HMCN2: variants seen among roughly 807,000 people sequenced by gnomAD.
The protein encoded by HMCN2 is hemicentin 2.
A neutral mutation model predicts 377.5 loss-of-function variants in HMCN2; 325 were observed. That is an observed-to-expected ratio of 0.86 (90% CI 0.79 to 0.94). The LOEUF (loss-of-function observed/expected upper bound fraction) is 0.94, where lower values mean the gene tolerates loss of function less well. HMCN2 is among the 40% of genes least tolerant of loss of function. The pLI is 0.00. For synonymous variants in HMCN2, 2,007 were observed against 2,046.8 expected (o/e 0.98, Z 0.53); for missense variants, 4,543 against 4,725.3 (o/e 0.96, Z 1.13).
chr9:130,342,062 A>AATAAATAG (rs1444050952), intron 24 of HMCN2, among the ~76,000 whole-genome samples: 1 of 151,120 alleles, frequency 6.6e-6, no homozygotes, highest in African/African-American at 2.4e-5. Context: ...TAAATAAATA[A>AATAAATAG]AAGCTTGGAA....
At chr9:130,397,865 C>T (rs929143934) in intron 74 of HMCN2, among the ~76,000 whole-genome samples, 17 of 151,882 alleles carry the variant, frequency 1.1e-4, no homozygotes, top group African/African-American at 2.2e-4. Flanking sequence ...AACAGCGATT[C>T]GATTAAGTAA....
chr9:130,364,998 G>A, intron 41 of HMCN2, 109 bp downstream of exon 41: 1 of 648,548 alleles, frequency 1.5e-6, no homozygotes, highest in Non-Finnish European at 1.9e-6. Context: ...CCCCTCAGGG[G>A]ATGGAGGACA....
Position 130,393,894 on chromosome 9 carries a change from CA to C in HMCN2, c.10388del (p.Gln3463ArgfsTer23). The C allele has an allele frequency of 7.8e-7, 1 of 1,289,596 alleles. No individual in the cohort carries two copies. The highest frequency in any genetic ancestry group is 1.2e-5 in the South Asian group (1 of 81,006). 79.9% of individuals were successfully genotyped at this position (1,289,596 alleles called of 1,614,324 possible). ...GEPLLSQSLE[Q>X]GPSLQLEAVG... The stretch of plus-strand genomic sequence containing the variant: ...ACCCTTGTTGTCCCAGAGCCTCGAG[CA>C]GGGGCCCAGCCTGCAGCTGGAGGCA... On this transcript the variant is annotated frameshift_variant, in exon 68 of 98. Coordinates refer to ENST00000683500, the MANE Select transcript of HMCN2 (RefSeq NM_001291815.2). LOFTEE classifies it high-confidence loss of function. The surrounding 1 kb of genome is among the most constrained non-coding windows in gnomAD (Gnocchi z 5.2).
intron 36 of HMCN2, among the ~76,000 whole-genome samples, 151 bp from the exon 37 acceptor site, chr9:130,359,168 A>G (rs2027064): frequency 0.91 from 138,295 of 152,070 alleles, 64,106 homozygotes; most frequent in Non-Finnish European, 0.99. Flanking sequence ...TCCAGGAGTG[A>G]GGTTGCTTAG....
At position 130,430,605 on chromosome 9, in the gene HMCN2, G is replaced by A. The variant is rs1169622757; in HGVS notation, c.14647+1G>A. 6.5e-7 allele frequency: 1 copy of A among 1,547,040 alleles called. No homozygotes were observed. Among genetic ancestry groups the A allele is most frequent in the Non-Finnish European group, 8.7e-7 (1 of 1,144,634 alleles). ...ATCAGGCAGAACGGAGTCTGCACAG[G>A]TAAGGCCAGGCCCTGACCATCCACG... is the stretch of plus-strand genomic sequence containing the variant. On this transcript the variant is annotated splice_donor_variant, in intron 95 of 97. Coordinates refer to ENST00000683500, the MANE Select transcript of HMCN2 (RefSeq NM_001291815.2). LOFTEE classifies it high-confidence loss of function.
At position 130,425,895 on chromosome 9, in the gene HMCN2, G is replaced by T. The variant is rs773378297; in HGVS notation, c.13850G>T (p.Arg4617Leu). ...TTTGATCCAGAGGCCGAGGCCCTGC[G>T]CTTCCAGCTCGCTACAGCCCTGCAG... ...SAFDPEAEAL[R>L]FQLATALQAE... The change falls in exon 90 of 98, where the codon CGC becomes CTC. Residue 4617 changes from arginine (R) to leucine (L), a missense_variant. By Grantham distance (102) the Arg-to-Leu change is moderately radical. This residue lies in a region of HMCN2 where 1,155 missense variants were observed against 1,157.7 expected (regional missense o/e 1.00). Coordinates refer to ENST00000683500, the MANE Select transcript of HMCN2 (RefSeq NM_001291815.2). The T allele has an allele frequency of 3.2e-6, 5 of 1,549,220 alleles. No homozygotes were observed. The South Asian group carries it at 6.0e-5, about 18-fold the overall frequency.
At chr9:130,402,514 G>A (rs1197915717) in intron 77 of HMCN2, among the ~76,000 whole-genome samples, 2 of 152,218 alleles carry the variant, frequency 1.3e-5, no homozygotes, top group Non-Finnish European at 2.9e-5. Flanking sequence ...AGCCTAAAGG[G>A]TCTAGAGACC....
At position 130,403,290 on chromosome 9, in the gene HMCN2, C is replaced by T; in HGVS notation, c.11975C>T (p.Thr3992Ile). 1 of 1,289,858 alleles carries T rather than the reference C, an allele frequency of 7.8e-7. No homozygotes were observed. Among genetic ancestry groups the T allele is most frequent in the Non-Finnish European group, 1.0e-6 (1 of 988,886 alleles). 79.9% of individuals were successfully genotyped at this position (1,289,858 alleles called of 1,614,324 possible). A position where few individuals can be genotyped will look rare whatever the true frequency, so the allele number is the denominator to read the frequency against. Reference protein sequence around the residue: ...PCEASGIPRPTITWQKEGLNV... With the variant: ...PCEASGIPRPIITWQKEGLNV... ...GAGGCCTCAGGCATCCCCCGGCCGACCATCACCTGGCAGAAGGAAGGGCTC... is the reference window on the plus strand; with the variant it reads ...GAGGCCTCAGGCATCCCCCGGCCGATCATCACCTGGCAGAAGGAAGGGCTC... Residue 3992 changes from threonine to isoleucine, a missense_variant, in exon 79 of 98, where the codon ACC (threonine) becomes ATC (isoleucine). Thr to Ile is a moderately conservative substitution (Grantham distance 89, BLOSUM62 -1). Around this residue, in one of 5 missense-constraint regions of HMCN2, gnomAD observed 1,073 missense variants for 1,319.5 expected, o/e 0.81. Coordinates refer to ENST00000683500, the MANE Select transcript of HMCN2 (RefSeq NM_001291815.2).
At chr9:130,328,705 G>C (rs1838273515) in intron 22 of HMCN2, among the ~76,000 whole-genome samples, 1 of 152,184 alleles carries the variant, frequency 6.6e-6, no homozygotes, top group Non-Finnish European at 1.5e-5. Context: ...ACCCGGTGCC[G>C]AACTGCCTGC....
At chr9:130,392,224 C>T (rs1301259972) in intron 66 of HMCN2, 106 bp downstream of exon 66, 6 of 783,842 alleles carry the variant, frequency 7.7e-6, no homozygotes, top group Admixed American at 6.2e-5. Flanking sequence ...GCAACACCCA[C>T]TCCCCACCCC....
rs895852488 is a variant in HMCN2, at chr9:130,394,204, G to A, written c.10502-181G>A. 6.6e-6 allele frequency among the ~76,000 whole-genome samples: 1 copy of A among 152,168 alleles called. No individual in the cohort carries two copies. Among genetic ancestry groups the A allele is most frequent in the Non-Finnish European group, 1.5e-5 (1 of 68,018 alleles). On this transcript the variant is annotated intron_variant, in intron 68 of 97. Transcript: ENST00000683500. The surrounding 1 kb of genome is among the most constrained non-coding windows in gnomAD (Gnocchi z 5.1). ...TTGCCTGCGGGGAGTGGGTGGCCGG[G>A]CTTTGATTCTCCCAGGGCTGTGCTC...
rs1470634258 is a variant in HMCN2 at position 130,366,009 on chromosome 9, C to T, written c.6625+14C>T. 1 of 985,908 alleles carries T rather than the reference C, an allele frequency of 1.0e-6. No individual in the cohort carries two copies. The highest frequency in any genetic ancestry group is 1.7e-5 in the African/African-American group (1 of 57,250). 61.1% of individuals were successfully genotyped at this position (985,908 alleles called of 1,614,324 possible). A position where few individuals can be genotyped will look rare whatever the true frequency, so the allele number is the denominator to read the frequency against. On this transcript the variant is annotated intron_variant, in intron 43 of 97. Transcript: ENST00000683500. ...GGAGGAAGGACGGTAGGATTGCTGC[C>T]CTCACCCAGCCCCACCTCATTGCCA...
At chr9:130,405,430 A>T (rs1843046363) in intron 81 of HMCN2, among the ~76,000 whole-genome samples, 1 of 152,004 alleles carries the variant, frequency 6.6e-6, no homozygotes, top group Admixed American at 6.6e-5. Flanking sequence ...TATGGGTGGG[A>T]CCCCCAACCT....
At chr9:130,349,734 G>A in intron 29 of HMCN2, 71 bp downstream of exon 29, 1 of 1,259,418 alleles carries the variant, frequency 7.9e-7, no homozygotes, top group Non-Finnish European at 1.0e-6. Context: ...TGGGGGTTGG[G>A]GAAGGTTGAA....
intron 25 of HMCN2, among the ~76,000 whole-genome samples, chr9:130,344,506 A>G (rs1801575663): frequency 7.0e-6 from 1 of 143,452 alleles, no homozygotes; most frequent in African/African-American, 2.6e-5. Context: ...TGGTGTATGT[A>G]TGTGGTGTGT....
chr9:130,353,071 C>T lies in HMCN2; in HGVS notation c.4730C>T (p.Thr1577Ile), dbSNP rs993534772. The stretch of plus-strand genomic sequence containing the variant: ...GACGGGGCCCTGCTCCCCACCAGCA[C>T]CAAGGTGGTCTACACTAGGGGCGGT... ...FKDGALLPTS[T>I]KVVYTRGGRQ... Residue 1577 changes from threonine (T) to isoleucine (I), a missense_variant, in exon 31 of 98, where the codon ACC becomes ATC. Transcript: ENST00000683500. The T allele has an allele frequency of 5.3e-5, 69 of 1,304,120 alleles. No individual in the cohort carries two copies. The highest frequency in any genetic ancestry group is 6.6e-5 in the Non-Finnish European group (65 of 988,948). The allele number at this position is 1,304,120 out of a possible 1,614,324, so 80.8% of individuals were successfully genotyped here.
rs780429645 is a variant in HMCN2, at chr9:130,396,266, C to T, written c.11151C>T (p.Leu3717=). ...PCQADGVPAP[L]VSWRKDRVPL... Reference sequence around the variant, plus strand: ...AGGCCGACGGCGTGCCCGCACCCCTCGTGAGCTGGCGGAAGGACAGGGTCC... The same window carrying T: ...AGGCCGACGGCGTGCCCGCACCCCTTGTGAGCTGGCGGAAGGACAGGGTCC... The change falls in exon 73 of 98, where the codon CTC becomes CTT. Residue 3717 remains leucine, a synonymous_variant. Transcript: ENST00000683500. The T allele has an allele frequency of 3.7e-5, 48 of 1,285,088 alleles. No individual in the cohort carries two copies. The highest frequency in any genetic ancestry group is 4.5e-5 in the Non-Finnish European group (44 of 985,030). The allele number at this position is 1,285,088 out of a possible 1,614,324, so 79.6% of individuals were successfully genotyped here. A position where few individuals can be genotyped will look rare whatever the true frequency, so the allele number is the denominator to read the frequency against.
intron 71 of HMCN2, among the ~76,000 whole-genome samples, 188 bp from the exon 72 acceptor site, chr9:130,395,736 T>A (rs1699168802): frequency 6.6e-6 from 1 of 152,096 alleles, no homozygotes; most frequent in East Asian, 1.9e-4. Context: ...AGGGGATGCA[T>A]TTCCTCCCAG....
At chr9:130,345,360 ATGTGGTATGTGTGGTATGTG>A (rs1258268204) in intron 25 of HMCN2, among the ~76,000 whole-genome samples, 31 of 119,652 alleles carry the variant, frequency 2.6e-4, no homozygotes, top group Non-Finnish European at 8.5e-5. Context: ...TGTGGTGTGT[ATGTGGTATGTGTGGTATGTG>A]TAGTGTGTGG....
Sources: allele counts gnomAD v4.1 joint callset (sites outside exome capture counted in the v4.1 genomes callset), GRCh38; gene constraint gnomAD v4.1.1; regional missense constraint gnomAD v4.1.1; non-coding constraint Gnocchi (gnomAD v3.1); transcripts MANE v1.5; gene names NCBI Gene and HGNC (gene_info 2026-07-23, HGNC 2026-07-21).